Variants in ANKRD62 observed in about 807,000 individuals in gnomAD.
ANKRD62 encodes ankyrin repeat domain-containing protein 62.
Under a neutral mutation model 98.8 loss-of-function variants are expected in ANKRD62, and 61 were observed. The ratio of observed to expected loss-of-function variants is 0.62; its 90% CI spans 0.50 to 0.76. The LOEUF is 0.76. Ranked by LOEUF, ANKRD62 falls within the 30% of genes least tolerant of loss-of-function variation. ANKRD62 has a pLI of 0.00. For synonymous variants in ANKRD62, 341 were observed against 367.9 expected (o/e 0.93, Z 0.84); for missense variants, 933 against 1,082.9 (o/e 0.86, Z 1.94).
rs185103885 is a variant in ANKRD62 at position 12,094,394 on chromosome 18, G to A, written c.218+159G>A. On this transcript the variant is annotated intron_variant, in intron 1 of 13. Transcript: ENST00000587848. ...GGGGGACTGTGGTGGGGAGTGGCTG[G>A]GGGGCGTTGGATGTGATGGGGGACT... is the stretch of plus-strand genomic sequence containing the variant. 9.2e-3 allele frequency among the ~76,000 whole-genome samples: 20 copies of A among 2,180 alleles called. 1 individual carries two copies. Among genetic ancestry groups the A allele is most frequent in the Non-Finnish European group, 0.02 (16 of 790 alleles). The allele number at this position is 2,180 out of a possible 152,430, so 1.4% of individuals were successfully genotyped here.
chr18:12,153,599 A>AC, the ANKRD62 span, among the ~76,000 whole-genome samples: 1 of 139,880 alleles, frequency 7.1e-6, no homozygotes, highest in Non-Finnish European at 1.6e-5. Flanking sequence ...CTGGGAAAAA[A>AC]AAAAAAAAAA....
intron 11 of ANKRD62, among the ~76,000 whole-genome samples, chr18:12,123,886 AC>A (rs1244711639): frequency 6.6e-6 from 1 of 152,206 alleles, no homozygotes; most frequent in Non-Finnish European, 1.5e-5. Flanking sequence ...ACTTTAGCTA[AC>A]AATTTTCAAC....
chr18:12,100,617 T>G (rs146065930), intron 6 of ANKRD62, among the ~76,000 whole-genome samples: 1 of 152,134 alleles, frequency 6.6e-6, no homozygotes, highest in Non-Finnish European at 1.5e-5. Context: ...CCAATACCAA[T>G]AGGATGTTAT....
chr18:12,124,679 G>A (rs1356987854), intron 12 of ANKRD62, among the ~76,000 whole-genome samples: 4 of 146,032 alleles, frequency 2.7e-5, no homozygotes, highest in African/African-American at 5.1e-5. Context: ...CATAATCTCA[G>A]GATTTCCTAA....
At chr18:12,130,000 T>C (rs1909978359), downstream of ANKRD62, among the ~76,000 whole-genome samples, 2 of 152,152 alleles carry the variant, frequency 1.3e-5, no homozygotes, top group South Asian at 2.1e-4. Flanking sequence ...CCAGACCACA[T>C]GCAAAAGTAC....
chr18:12,120,124 C>G (rs4528646), intron 10 of ANKRD62, among the ~76,000 whole-genome samples: 31,604 of 152,042 alleles, frequency 0.21, 4,234 homozygotes, highest in East Asian at 0.54. Flanking sequence ...AAAATATTGT[C>G]TATTTTGGCA....
the ANKRD62 span, among the ~76,000 whole-genome samples, chr18:12,166,774 TG>T: frequency 3.3e-5 from 5 of 152,180 alleles, no homozygotes; most frequent in African/African-American, 9.7e-5. Context: ...GTGCCCAATG[TG>T]CAGGTTTGTT....
intron 11 of ANKRD62, among the ~76,000 whole-genome samples, chr18:12,123,779 A>T (rs1327914719): frequency 6.6e-6 from 1 of 152,224 alleles, no homozygotes; most frequent in African/African-American, 2.4e-5. Flanking sequence ...CTTGTTTATA[A>T]AAAATAACTT....
intron 7 of ANKRD62, 43 bp from the exon 8 acceptor site, chr18:12,107,252 T>A: frequency 1.5e-6 from 2 of 1,369,182 alleles, no homozygotes; most frequent in Admixed American, 6.2e-5. Flanking sequence ...TTCTATTGGA[T>A]AAAATAATGA....
chr18:12,162,621 G>C, the ANKRD62 span, among the ~76,000 whole-genome samples: 1 of 151,990 alleles, frequency 6.6e-6, no homozygotes, highest in African/African-American at 2.4e-5. Context: ...GAGTTTCCCT[G>C]TGTTCTTGTA....
the ANKRD62 span, among the ~76,000 whole-genome samples, chr18:12,154,757 G>T: frequency 1.3e-5 from 2 of 152,140 alleles, no homozygotes; most frequent in Admixed American, 1.3e-4. Flanking sequence ...AGAAAATGTG[G>T]TACATATACA....
Position 12,101,118 on chromosome 18 carries a change from A to G in ANKRD62, c.820+1436A>G, listed in dbSNP as rs563473080. ...TATCCTCTCAGGATCATGATTTGCT[A>G]TTCTTAACTGAAAAACACTTTTTTT... is the stretch of plus-strand genomic sequence containing the variant. On this transcript the variant is annotated intron_variant, in intron 6 of 13. Transcript: ENST00000587848. Among the ~76,000 whole-genome samples, 5 of 152,326 alleles carry G rather than the reference A, an allele frequency of 3.3e-5. No individual in the cohort carries two copies. In the East Asian group the frequency reaches 9.6e-4, roughly 29 times the overall value.
the ANKRD62 span, among the ~76,000 whole-genome samples, chr18:12,135,969 A>G: frequency 6.6e-6 from 1 of 152,176 alleles, no homozygotes; most frequent in Non-Finnish European, 1.5e-5. Flanking sequence ...GTAGATTTCA[A>G]ATATTTTCTC....
the ANKRD62 span, among the ~76,000 whole-genome samples, chr18:12,162,076 G>GT: frequency 6.6e-6 from 1 of 151,908 alleles, no homozygotes; most frequent in Non-Finnish European, 1.5e-5. Flanking sequence ...GGAAGATCTA[G>GT]TTTTTTTGAG....
At chr18:12,117,380 C>T (rs1382063664) in intron 10 of ANKRD62, among the ~76,000 whole-genome samples, 1 of 152,142 alleles carries the variant, frequency 6.6e-6, no homozygotes, top group Non-Finnish European at 1.5e-5. Flanking sequence ...TTAGAGTTTA[C>T]GTAAACCTAT....
At chr18:12,170,341 A>G in the ANKRD62 span, among the ~76,000 whole-genome samples, 2 of 152,028 alleles carry the variant, frequency 1.3e-5, no homozygotes, top group Non-Finnish European at 2.9e-5. Flanking sequence ...CTTTGTTCTC[A>G]TTGGTTTCAA....
intron 10 of ANKRD62, among the ~76,000 whole-genome samples, chr18:12,116,302 A>G (rs868258007): frequency 3.3e-5 from 5 of 152,326 alleles, no homozygotes; most frequent in Middle Eastern, 3.4e-3. Flanking sequence ...GATCAGCACA[A>G]CAGGACAGTT....
intron 7 of ANKRD62, among the ~76,000 whole-genome samples, chr18:12,106,849 G>C (rs894778279): frequency 3.7e-4 from 56 of 152,272 alleles, no homozygotes; most frequent in African/African-American, 1.3e-3. Context: ...GTAGAAAGGG[G>C]AAAGCTTCCT....
At position 12,097,663 on chromosome 18, in the gene ANKRD62, GT is replaced by G; in HGVS notation, c.639del (p.Asn214MetfsTer6). 6.5e-7 allele frequency: 1 copy of G among 1,535,556 alleles called. No individual in the cohort carries two copies. The highest frequency in any genetic ancestry group is 8.7e-7 in the Non-Finnish European group (1 of 1,146,538). ...AGAACAGCCCTGATACTTGCTGCTC[GT>G]AATGGATCAACAAGTGTAGTCTACC... ...FGRTALILAA[R>X]NGSTSVVYQL... On this transcript the variant is annotated frameshift_variant, in exon 5 of 14. Transcript: ENST00000587848. LOFTEE classifies it high-confidence loss of function.
Sources: allele counts gnomAD v4.1 joint callset (sites outside exome capture counted in the v4.1 genomes callset), GRCh38; gene constraint gnomAD v4.1.1; transcripts MANE v1.5; gene names NCBI Gene and HGNC (gene_info 2026-07-23, HGNC 2026-07-21).